VPS35L: variants seen among roughly 807,000 people sequenced by gnomAD.
The protein encoded by VPS35L is VPS35 endosomal protein-sorting factor-like.
VPS35L carries 83 observed loss-of-function variants against 133.0 expected under a neutral mutation model. The ratio of observed to expected loss-of-function variants is 0.62; its 90% CI spans 0.52 to 0.75. The LOEUF (loss-of-function observed/expected upper bound fraction) is 0.75. Among genes scored for constraint, VPS35L ranks in the 30% least tolerant of loss-of-function variants. The pLI is 0.00. For missense variants in VPS35L, 1,083 were observed against 1,206.8 expected (o/e 0.90, Z 1.52); for synonymous variants, 423 against 449.9 (o/e 0.94, Z 0.76).
intron 29 of VPS35L, among the ~76,000 whole-genome samples, chr16:19,696,021 G>T (rs575667676): frequency 1.2e-4 from 19 of 152,108 alleles, no homozygotes; most frequent in African/African-American, 4.6e-4. Flanking sequence ...CGAGTAGCTG[G>T]GACTACAGGC....
At chr16:19,693,714 G>A (rs1975789346) in intron 29 of VPS35L, among the ~76,000 whole-genome samples, 1 of 151,910 alleles carries the variant, frequency 6.6e-6, no homozygotes, top group African/African-American at 2.4e-5. Context: ...AACCCGGGAG[G>A]CGGAGGTTGC....
At chr16:19,618,290 A>G (rs1567428060) in intron 14 of VPS35L, among the ~76,000 whole-genome samples, 1 of 152,186 alleles carries the variant, frequency 6.6e-6, no homozygotes, top group Non-Finnish European at 1.5e-5. Flanking sequence ...TAACCGAGCA[A>G]TCCCACTTTT....
chr16:19,579,000 G>GT (rs1313764104), intron 5 of VPS35L, 52 bp from the exon 6 acceptor site: 1 of 1,449,218 alleles, frequency 6.9e-7, no homozygotes, highest in African/African-American at 1.4e-5. Context: ...TCCACTGGGG[G>GT]TATTGGTGCA....
chr16:19,580,937 G>A (rs1326959687), intron 6 of VPS35L, among the ~76,000 whole-genome samples: 1 of 152,032 alleles, frequency 6.6e-6, no homozygotes, highest in African/African-American at 2.4e-5. Context: ...TTCCTTAGTA[G>A]CCCGTGAAAC....
intron 9 of VPS35L, among the ~76,000 whole-genome samples, chr16:19,602,965 A>T (rs1464107224): frequency 1.3e-5 from 2 of 148,766 alleles, no homozygotes; most frequent in African/African-American, 5.0e-5. Flanking sequence ...GGGTCTCCCT[A>T]TGTTGCCCAA....
At chr16:19,605,218 T>C (rs9922053) in intron 9 of VPS35L, among the ~76,000 whole-genome samples, 7,838 of 152,034 alleles carry the variant, frequency 0.052, 654 homozygotes, top group African/African-American at 0.18. Context: ...TCTCCTGCCT[T>C]CTCTTAAAAT....
intron 19 of VPS35L, among the ~76,000 whole-genome samples, chr16:19,634,417 CAAAAA>C (rs57823383): frequency 1.9e-5 from 2 of 104,798 alleles, no homozygotes; most frequent in African/African-American, 3.4e-5. Context: ...GACACGGTCT[CAAAAA>C]AAAAAAAAAA....
chr16:19,604,819 G>A (rs936879623), intron 9 of VPS35L, among the ~76,000 whole-genome samples: 4 of 152,100 alleles, frequency 2.6e-5, no homozygotes, highest in East Asian at 3.9e-4. Flanking sequence ...ATAGCTCTTC[G>A]GAGTTGAGAA....
chr16:19,690,990 A>G (rs1975653614), intron 28 of VPS35L, among the ~76,000 whole-genome samples: 1 of 151,792 alleles, frequency 6.6e-6, no homozygotes, highest in Admixed American at 6.6e-5. Flanking sequence ...GAAAAGAAAA[A>G]TCATGTCTTC....
chr16:19,653,210 C>T (rs952138725), intron 26 of VPS35L, among the ~76,000 whole-genome samples: 2 of 152,180 alleles, frequency 1.3e-5, no homozygotes, highest in African/African-American at 4.8e-5. Flanking sequence ...AGAAGGCACT[C>T]AGGTGGAAAG....
At chr16:19,569,358 C>T in intron 2 of VPS35L, 66 bp from the exon 3 acceptor site, 1 of 1,554,704 alleles carries the variant, frequency 6.4e-7, no homozygotes. Flanking sequence ...GGAAAGTACC[C>T]ACTGGAGTGT....
At chr16:19,692,870 A>G (rs2151627651) in intron 29 of VPS35L, among the ~76,000 whole-genome samples, 1 of 152,214 alleles carries the variant, frequency 6.6e-6, no homozygotes, top group East Asian at 1.9e-4. Context: ...GCCAATATAT[A>G]CCCATTCTGT....
chr16:19,628,440 AC>A (rs1459782780), intron 16 of VPS35L, among the ~76,000 whole-genome samples, 196 bp from the exon 17 acceptor site: 1 of 152,238 alleles, frequency 6.6e-6, no homozygotes, highest in Non-Finnish European at 1.5e-5. Flanking sequence ...CATTAGACCA[AC>A]AGATGGAGCT....
chr16:19,574,681 T>G (rs1255708290), intron 4 of VPS35L, among the ~76,000 whole-genome samples: 1 of 152,074 alleles, frequency 6.6e-6, no homozygotes, highest in Non-Finnish European at 1.5e-5. Context: ...GGTCATCATT[T>G]GGCAATATCT....
At chr16:19,691,069 T>C (rs1200214767) in intron 28 of VPS35L, among the ~76,000 whole-genome samples, 1 of 152,082 alleles carries the variant, frequency 6.6e-6, no homozygotes, top group Admixed American at 6.5e-5. Context: ...GCAGCTGCTG[T>C]GATGATGATT....
At chr16:19,635,676 C>T (rs569798652) in intron 19 of VPS35L, among the ~76,000 whole-genome samples, 7 of 152,118 alleles carry the variant, frequency 4.6e-5, no homozygotes, top group Non-Finnish European at 1.0e-4. Context: ...TATGATTATT[C>T]TTAGGAAATA....
In VPS35L at chr16:19,669,236, G is replaced by T. The variant is rs1241892936; in HGVS notation, c.2298G>T (p.Arg766=). Reference sequence around the variant, plus strand: ...TGATTAATATTGATGGGAAGATGCGGCCATCGGAATCGTTCCTTCTGGAAT... The same window carrying T: ...TGATTAATATTGATGGGAAGATGCGTCCATCGGAATCGTTCCTTCTGGAAT... ...PKMINIDGKM[R]PSESFLLEFL... The change falls in exon 27 of 31, where the codon CGG becomes CGT. Residue 766 remains arginine, a synonymous_variant. Transcript: ENST00000417362. 1.2e-6 allele frequency: 2 copies of T among 1,613,202 alleles called. No individual in the cohort carries two copies. The highest frequency in any genetic ancestry group is 2.7e-5 in the African/African-American group (2 of 75,046).
At chr16:19,571,990 G>A (rs1038134377) in intron 3 of VPS35L, among the ~76,000 whole-genome samples, 1 of 151,988 alleles carries the variant, frequency 6.6e-6, no homozygotes, top group African/African-American at 2.4e-5. Flanking sequence ...CTCTACTGAT[G>A]TATCCATCAG....
chr16:19,629,646 G>A (rs56345624), intron 17 of VPS35L, 121 bp from the exon 18 acceptor site: 9 of 743,526 alleles, frequency 1.2e-5, no homozygotes, highest in Non-Finnish European at 2.0e-5. Context: ...CTTTAAGCCA[G>A]TAATTAGCAA....
Sources: gnomAD v4.1 joint callset for allele counts (sites outside exome capture counted in the v4.1 genomes callset) on GRCh38, gnomAD v4.1.1 for gene constraint, MANE v1.5 for transcripts, NCBI Gene and HGNC (gene_info 2026-07-23, HGNC 2026-07-21) for gene names.